Variants in SLC26A7 observed in about 807,000 individuals in gnomAD.
SLC26A7 encodes the protein solute carrier family 26 member 7.
Under a neutral mutation model 82.5 loss-of-function variants are expected in SLC26A7, and 59 were observed. That is an observed-to-expected ratio of 0.72 (90% CI 0.58 to 0.89). The LOEUF (loss-of-function observed/expected upper bound fraction) is 0.89, where lower values mean the gene tolerates loss of function less well. Ranked by LOEUF, SLC26A7 falls within the 40% of genes least tolerant of loss-of-function variation. SLC26A7 has a pLI of 0.00. For synonymous variants in SLC26A7, 271 were observed against 274.3 expected (o/e 0.99, Z 0.12); for missense variants, 820 against 793.0 (o/e 1.03, Z -0.41).
At chr8:91,305,314 T>C (rs903863608) in intron 4 of SLC26A7, among the ~76,000 whole-genome samples, 1 of 152,180 alleles carries the variant, frequency 6.6e-6, no homozygotes, top group Non-Finnish European at 1.5e-5. Flanking sequence ...GATAAACAAA[T>C]AGTAATAAAC....
chr8:91,344,767 T>C (rs1813515201), intron 9 of SLC26A7, among the ~76,000 whole-genome samples: 1 of 152,214 alleles, frequency 6.6e-6, no homozygotes, highest in South Asian at 2.1e-4. Flanking sequence ...TACACAGCTT[T>C]GATTTTCAAG....
intron 4 of SLC26A7, among the ~76,000 whole-genome samples, chr8:91,315,978 T>C (rs1812619223): frequency 6.6e-6 from 1 of 152,226 alleles, no homozygotes; most frequent in Admixed American, 6.5e-5. Flanking sequence ...CAGTAGGTTT[T>C]CTATCATCAC....
rs1294243218 is a variant in SLC26A7, at chr8:91,396,491, T to C, written c.*1394T>C. ...ATGGATTATAATGGTCTCTAGCAAATGTGTGGTAAACATTCATATGGCCAT... is the reference window on the plus strand; with the variant it reads ...ATGGATTATAATGGTCTCTAGCAAACGTGTGGTAAACATTCATATGGCCAT... On this transcript the variant is annotated 3_prime_UTR_variant, in exon 19 of 19. Transcript: ENST00000276609. The C allele has an allele frequency of 1.3e-5, 2 of 152,030 alleles. No homozygotes were observed. Among genetic ancestry groups the C allele is most frequent in the African/African-American group, 4.8e-5 (2 of 41,440 alleles). 9.4% of individuals were successfully genotyped at this position (152,030 alleles called of 1,614,324 possible).
intron 5 of SLC26A7, among the ~76,000 whole-genome samples, chr8:91,332,776 T>C (rs114403707): frequency 0.03 from 4,602 of 151,988 alleles, 102 homozygotes; most frequent in African/African-American, 0.051. Context: ...AAGCGATCCT[T>C]CTGCCTCAGC....
intron 2 of SLC26A7, among the ~76,000 whole-genome samples, chr8:91,269,441 A>G (rs1811206937): frequency 6.6e-6 from 1 of 152,110 alleles, no homozygotes; most frequent in African/African-American, 2.4e-5. Context: ...CACTTTGAAT[A>G]TACCATTCTA....
chr8:91,319,676 C>CT (rs1406994704), intron 5 of SLC26A7, among the ~76,000 whole-genome samples: 1 of 152,188 alleles, frequency 6.6e-6, no homozygotes, highest in African/African-American at 2.4e-5. Flanking sequence ...AAGTTTAAGA[C>CT]TTTCAGTGAC....
In SLC26A7 at chr8:91,352,964, A is replaced by C. The variant is rs1813761439; in HGVS notation, c.1282A>C (p.Lys428Gln). Residue 428 changes from lysine to glutamine, a missense_variant, in exon 11 of 19, where the codon AAA becomes CAA. By Grantham distance (53) the Lys-to-Gln change is moderately conservative. Transcript: ENST00000276609. ...AATGCTAATACAGTTCCGAGATTTA[A>C]AAAAATATTGGAATGTGGATAAAAT... ...KGMLIQFRDL[K>Q]KYWNVDKIDW... The C allele has an allele frequency of 6.2e-7, 1 of 1,609,238 alleles. No homozygotes were observed. Among genetic ancestry groups the C allele is most frequent in the Non-Finnish European group, 8.5e-7 (1 of 1,177,508 alleles).
intron 15 of SLC26A7, among the ~76,000 whole-genome samples, chr8:91,385,302 C>G (rs1331049382): frequency 6.6e-6 from 1 of 152,136 alleles, no homozygotes; most frequent in Non-Finnish European, 1.5e-5. Flanking sequence ...TTTTATTGCT[C>G]TGGTTGATTT....
intron 4 of SLC26A7, among the ~76,000 whole-genome samples, chr8:91,295,998 G>A (rs1405523624): frequency 6.6e-6 from 1 of 152,178 alleles, no homozygotes; most frequent in African/African-American, 2.4e-5. Flanking sequence ...AGGCAATGAG[G>A]CAATCCCTGT....
chr8:91,246,545 G>A (rs1365996650), upstream of SLC26A7, among the ~76,000 whole-genome samples: 1 of 151,892 alleles, frequency 6.6e-6, no homozygotes, highest in Non-Finnish European at 1.5e-5. Flanking sequence ...ATGTAACTAG[G>A]GCCATTAATA....
chr8:91,276,793 C>T (rs1167974047), intron 2 of SLC26A7, among the ~76,000 whole-genome samples: 2 of 152,174 alleles, frequency 1.3e-5, no homozygotes, highest in East Asian at 1.9e-4. Flanking sequence ...CATCTTATCA[C>T]GTGCTTCCTT....
chr8:91,346,162 AT>A (rs1813557598), intron 9 of SLC26A7, among the ~76,000 whole-genome samples: 1 of 152,100 alleles, frequency 6.6e-6, no homozygotes, highest in Non-Finnish European at 1.5e-5. Context: ...GTGGCAGAAT[AT>A]TTTCATGCTC....
At chr8:91,261,907 T>C (rs938541210) in intron 2 of SLC26A7, among the ~76,000 whole-genome samples, 1 of 152,094 alleles carries the variant, frequency 6.6e-6, no homozygotes, top group African/African-American at 2.4e-5. Flanking sequence ...AACTTAGAGC[T>C]TACCTTGAGG....
intron 4 of SLC26A7, among the ~76,000 whole-genome samples, chr8:91,313,112 A>G (rs1184892003): frequency 6.6e-6 from 1 of 152,126 alleles, no homozygotes; most frequent in Non-Finnish European, 1.5e-5. Context: ...AGAGTTTTAT[A>G]GTTTCAGGTC....
intron 15 of SLC26A7, among the ~76,000 whole-genome samples, chr8:91,381,286 T>C (rs1000964808): frequency 2.5e-4 from 38 of 152,176 alleles, no homozygotes; most frequent in Admixed American, 1.7e-3. Context: ...ATAAAATACA[T>C]AGTATAATAT....
intron 4 of SLC26A7, 100 bp downstream of exon 4, chr8:91,295,803 T>TCCACCTATAAAGACAA: frequency 1.6e-6 from 2 of 1,234,750 alleles, no homozygotes; most frequent in Non-Finnish European, 2.3e-6. Context: ...TTTGTCTTTA[T>TCCACCTATAAAGACAA]AGGTGGATAA....
intron 2 of SLC26A7, among the ~76,000 whole-genome samples, chr8:91,287,760 G>A (rs1306226893): frequency 6.6e-6 from 1 of 152,178 alleles, no homozygotes; most frequent in Admixed American, 6.5e-5. Context: ...ATTTTACAAA[G>A]TTGCTTACAC....
intron 15 of SLC26A7, among the ~76,000 whole-genome samples, chr8:91,383,360 A>T (rs2130897421): frequency 6.6e-6 from 1 of 152,268 alleles, no homozygotes; most frequent in South Asian, 2.1e-4. Context: ...ACAATGGTAA[A>T]CTTAAGCTAA....
chr8:91,359,876 A>ATGTG lies in SLC26A7; in HGVS notation c.1315-2460_1315-2457dup, dbSNP rs33943189. ...TCATGGAAGTAAAATTATCCAAGAT[A>ATGTG]TGTGTGTGTGTGTGTGTGTGCGCAT... On this transcript the variant is annotated intron_variant, in intron 11 of 18. Transcript: ENST00000276609. Among the ~76,000 whole-genome samples, 190 of 139,386 alleles carry ATGTG rather than the reference A, an allele frequency of 1.4e-3. 1 individual carries two copies. In the East Asian group the frequency reaches 0.02, roughly 14 times the overall value. 91.4% of individuals were successfully genotyped at this position (139,386 alleles called of 152,430 possible).
Sources: gnomAD v4.1 joint callset for allele counts (sites outside exome capture counted in the v4.1 genomes callset) on GRCh38, gnomAD v4.1.1 for gene constraint, MANE v1.5 for transcripts, NCBI Gene and HGNC (gene_info 2026-07-23, HGNC 2026-07-21) for gene names.